The following SNTB1 variants were observed in gnomAD, a reference collection of about 807,000 sequenced individuals.
SNTB1 encodes syntrophin beta 1, also known as beta-1-syntrophin.
SNTB1 carries 36 observed loss-of-function variants against 48.9 expected under a neutral mutation model. The observed-to-expected ratio is 0.74, with a 90% CI of 0.56 to 0.97. SNTB1 has a LOEUF of 0.97. SNTB1 is among the 50% of genes least tolerant of loss of function. SNTB1 has a pLI of 0.00. For missense variants in SNTB1, 786 were observed against 703.4 expected (o/e 1.12, Z -1.33); for synonymous variants, 299 against 294.6 (o/e 1.01, Z -0.15).
intron 3 of SNTB1, among the ~76,000 whole-genome samples, chr8:120,575,781 T>G (rs978401370): frequency 6.6e-6 from 1 of 151,220 alleles, no homozygotes; most frequent in Admixed American, 6.6e-5. Flanking sequence ...CCAGTTCCAT[T>G]CACCACCCAT....
chr8:120,693,316 T>C (rs998086386), intron 2 of SNTB1, among the ~76,000 whole-genome samples: 68 of 152,276 alleles, frequency 4.5e-4, no homozygotes, highest in African/African-American at 1.6e-3. Flanking sequence ...GATTTCCTAA[T>C]TTAGTTCTCA....
chr8:120,772,473 C>T (rs530203399), intron 1 of SNTB1, among the ~76,000 whole-genome samples: 1 of 152,258 alleles, frequency 6.6e-6, no homozygotes, highest in South Asian at 2.1e-4. Context: ...TCTCAAACTC[C>T]TGACCTCAAG....
intron 2 of SNTB1, among the ~76,000 whole-genome samples, chr8:120,680,053 T>G (rs1381075443): frequency 6.6e-6 from 1 of 152,186 alleles, no homozygotes; most frequent in African/African-American, 2.4e-5. Context: ...TGTCTTCCTA[T>G]CTCAACCTTT....
At chr8:120,558,040 C>G (rs1815595573) in intron 4 of SNTB1, among the ~76,000 whole-genome samples, 2 of 152,172 alleles carry the variant, frequency 1.3e-5, no homozygotes, top group South Asian at 4.1e-4. Context: ...TTTCACAAAT[C>G]GTCATTTGGA....
In SNTB1 at chr8:120,578,262, G is replaced by A. The variant is rs113017454; in HGVS notation, c.997-3037C>T. ...TCACTGTGTTAGCCAGGATGGTCTC[G>A]ATCTCCTGACCTCATGATCTGCCTG... On this transcript the variant is annotated intron_variant, in intron 3 of 6. Transcript: ENST00000517992. Among the ~76,000 whole-genome samples the A allele has an allele frequency of 5.9e-3, 898 of 151,234 alleles. 7 individuals are homozygous for A. Among genetic ancestry groups the A allele is most frequent in the African/African-American group, 0.02 (813 of 41,244 alleles).
intron 4 of SNTB1, among the ~76,000 whole-genome samples, chr8:120,553,306 G>A (rs1815513203): frequency 6.6e-6 from 1 of 152,244 alleles, no homozygotes; most frequent in African/African-American, 2.4e-5. Flanking sequence ...TTTGCCATCT[G>A]AGGAACAGCA....
intron 3 of SNTB1, among the ~76,000 whole-genome samples, chr8:120,584,540 G>A (rs549073352): frequency 6.6e-6 from 1 of 150,550 alleles, no homozygotes; most frequent in Non-Finnish European, 1.5e-5. Context: ...GTCATTTAAA[G>A]CTGGTGGTTT....
At chr8:120,572,855 C>T (rs1563820703) in intron 4 of SNTB1, among the ~76,000 whole-genome samples, 1 of 152,142 alleles carries the variant, frequency 6.6e-6, no homozygotes, top group South Asian at 2.1e-4. Flanking sequence ...GCAGAGGTTG[C>T]AGTGCGCCAA....
chr8:120,605,097 T>C (rs1226328063), intron 3 of SNTB1, among the ~76,000 whole-genome samples: 1 of 152,206 alleles, frequency 6.6e-6, no homozygotes. Flanking sequence ...TGCATATTCC[T>C]ACACCAATGT....
chr8:120,582,646 A>G (rs2130697034), intron 3 of SNTB1, among the ~76,000 whole-genome samples: 1 of 152,274 alleles, frequency 6.6e-6, no homozygotes, highest in South Asian at 2.1e-4. Context: ...ATTCTCAGCA[A>G]ACTAACACAG....
intron 1 of SNTB1, among the ~76,000 whole-genome samples, chr8:120,797,989 A>G (rs947651363): frequency 1.3e-5 from 2 of 151,982 alleles, no homozygotes; most frequent in Non-Finnish European, 2.9e-5. Context: ...GAATAGTACT[A>G]TTAAAAGAGA....
chr8:120,779,473 A>G (rs999807543), intron 1 of SNTB1, among the ~76,000 whole-genome samples: 1 of 152,176 alleles, frequency 6.6e-6, no homozygotes, highest in Non-Finnish European at 1.5e-5. Context: ...ACTGCATTCC[A>G]GCCTGGCAAC....
At chr8:120,574,863 TTGA>T (rs1815925285) in intron 4 of SNTB1, among the ~76,000 whole-genome samples, 2 of 152,346 alleles carry the variant, frequency 1.3e-5, no homozygotes, top group East Asian at 3.9e-4. Context: ...TCACTGTTTC[TTGA>T]TGATGGACGG....
intron 1 of SNTB1, among the ~76,000 whole-genome samples, chr8:120,702,592 C>A (rs143608690): frequency 1.3e-4 from 20 of 151,828 alleles, no homozygotes; most frequent in African/African-American, 4.6e-4. Context: ...TTTGTAGCAG[C>A]TTCCACTGAT....
intron 2 of SNTB1, among the ~76,000 whole-genome samples, chr8:120,634,281 A>G (rs145973559): frequency 5.9e-5 from 9 of 152,330 alleles, no homozygotes; most frequent in Middle Eastern, 3.4e-3. Flanking sequence ...ACTTCCTTTC[A>G]TCTCTTAATA....
chr8:120,668,043 G>A (rs1026388734), intron 2 of SNTB1, among the ~76,000 whole-genome samples: 2 of 151,976 alleles, frequency 1.3e-5, no homozygotes, highest in Non-Finnish European at 2.9e-5. Context: ...ACACTGATCG[G>A]TTCTCAGCTA....
chr8:120,607,114 C>G (rs181187570), intron 3 of SNTB1, among the ~76,000 whole-genome samples: 5 of 152,002 alleles, frequency 3.3e-5, no homozygotes, highest in Non-Finnish European at 7.4e-5. Flanking sequence ...ATAGCCTTTA[C>G]ATAAACAAAA....
intron 1 of SNTB1, among the ~76,000 whole-genome samples, chr8:120,809,536 A>G (rs1234884145): frequency 6.6e-6 from 1 of 152,070 alleles, no homozygotes; most frequent in Non-Finnish European, 1.5e-5. Context: ...CCAAGTCATT[A>G]TTCATTAAAA....
intron 1 of SNTB1, among the ~76,000 whole-genome samples, chr8:120,790,626 C>A (rs374164791): frequency 6.6e-6 from 1 of 151,776 alleles, no homozygotes; most frequent in African/African-American, 2.4e-5. Flanking sequence ...GAACACAATT[C>A]CTTTTACAAT....
Sources: gnomAD v4.1 joint callset for allele counts (sites outside exome capture counted in the v4.1 genomes callset) on GRCh38, gnomAD v4.1.1 for gene constraint, MANE v1.5 for transcripts, NCBI Gene and HGNC (gene_info 2026-07-23, HGNC 2026-07-21) for gene names.